CD300C: variants seen among roughly 807,000 people sequenced by gnomAD.
CD300C encodes the protein CMRF35-like molecule 6.
In CD300C, 11 loss-of-function variants were observed where a neutral mutation model predicts 18.4. The ratio of observed to expected loss-of-function variants is 0.60; its 90% CI spans 0.38 to 0.99. CD300C has a LOEUF of 0.99. Among genes scored for constraint, CD300C ranks in the 50% least tolerant of loss-of-function variants. CD300C has a pLI of 0.01. For missense variants in CD300C, 277 were observed against 287.4 expected (o/e 0.96, Z 0.26); for synonymous variants, 116 against 116.3 (o/e 1.00, Z 0.02).
At chr17:74,537,658 G>A (rs796228769), downstream of CD300C, among the ~76,000 whole-genome samples, 15 of 148,280 alleles carry the variant, frequency 1.0e-4, no homozygotes, top group African/African-American at 3.5e-4. Flanking sequence ...GAAAGATAAA[G>A]TCTGATTGCT....
chr17:74,541,771 C>T, intron 3 of CD300C, 35 bp from the exon 4 acceptor site: 2 of 1,593,066 alleles, frequency 1.3e-6, no homozygotes, highest in Non-Finnish European at 1.7e-6. Context: ...TGAGTCACCT[C>T]CCCAGGGGAG....
the CD300C span, among the ~76,000 whole-genome samples, chr17:74,535,631 TAGAC>T: frequency 8.9e-3 from 1,360 of 152,302 alleles, 13 homozygotes; most frequent in African/African-American, 0.031. Flanking sequence ...ACCATGTTCA[TAGAC>T]AGAGAAATTA....
At chr17:74,534,937 T>C in the CD300C span, among the ~76,000 whole-genome samples, 1 of 152,292 alleles carries the variant, frequency 6.6e-6, no homozygotes. Flanking sequence ...TCAAAATCAC[T>C]ACTTTGATTC....
rs1161402747 is a variant in CD300C at position 74,545,885 on chromosome 17, C to T, written c.-103G>A. The T allele has an allele frequency of 3.1e-6, 3 of 965,526 alleles. No individual in the cohort carries two copies. In the East Asian group the frequency reaches 7.9e-5, roughly 25 times the overall value. 59.8% of individuals were successfully genotyped at this position (965,526 alleles called of 1,614,324 possible). A position where few individuals can be genotyped will look rare whatever the true frequency, so the allele number is the denominator to read the frequency against. ...GAGCTTCGCTTCTGCTTTTCTTCTGCTCTCTGCTTCCTTGTCCAGCCCTGT... is the reference window on the plus strand; with the variant it reads ...GAGCTTCGCTTCTGCTTTTCTTCTGTTCTCTGCTTCCTTGTCCAGCCCTGT... On this transcript the variant is annotated 5_prime_UTR_variant, in exon 1 of 4. Transcript: ENST00000330793.
Position 74,541,436 on chromosome 17 carries a change from C to A in CD300C, c.*153G>T. ...ATGTCCGTCAGGTTCACATGTGACACATGAGGATCGGGCACAGGGAAAAGG... is the reference window on the plus strand; with the variant it reads ...ATGTCCGTCAGGTTCACATGTGACAAATGAGGATCGGGCACAGGGAAAAGG... On this transcript the variant is annotated 3_prime_UTR_variant, in exon 4 of 4. Transcript: ENST00000330793. 1.5e-6 allele frequency: 1 copy of A among 672,858 alleles called. No individual in the cohort carries two copies. Among genetic ancestry groups the A allele is most frequent in the East Asian group, 2.5e-5 (1 of 39,600 alleles). The allele number at this position is 672,858 out of a possible 1,614,324, so 41.7% of individuals were successfully genotyped here.
At chr17:74,543,938 G>A (rs1452741210) in intron 2 of CD300C, among the ~76,000 whole-genome samples, 1 of 152,096 alleles carries the variant, frequency 6.6e-6, no homozygotes. Context: ...GAGAATAAGG[G>A]GGACACACAG....
At chr17:74,537,832 C>T (rs994829122), downstream of CD300C, among the ~76,000 whole-genome samples, 2 of 152,118 alleles carry the variant, frequency 1.3e-5, no homozygotes, top group African/African-American at 4.8e-5. Context: ...TGGTGCATGC[C>T]TGTAGTCCCA....
intron 1 of CD300C, among the ~76,000 whole-genome samples, 185 bp from the exon 2 acceptor site, chr17:74,545,132 G>T (rs909294464): frequency 9.8e-5 from 15 of 152,316 alleles, no homozygotes; most frequent in South Asian, 4.1e-4. Context: ...GAAGGGCATG[G>T]GAAGTTTCCA....
At chr17:74,545,648 T>G (rs558301537) in intron 1 of CD300C, 74 bp downstream of exon 1, 319 of 1,204,500 alleles carry the variant, frequency 2.6e-4, no homozygotes, top group Non-Finnish European at 3.7e-4. Flanking sequence ...TGACCGCTAC[T>G]CCAGCGCCTG....
rs1908689351 is a variant in CD300C, at chr17:74,544,727, TGTGAAGCTGAG to T, written c.271_281del (p.Leu91SerfsTer28). 1 of 1,614,102 alleles carries T rather than the reference TGTGAAGCTGAG, an allele frequency of 6.2e-7. No homozygotes were observed. The highest frequency in any genetic ancestry group is 1.1e-5 in the South Asian group (1 of 91,082). ...CCTCTGTGAGATTCTCCAGGGTCAC[TGTGAAGCTGAG>T]GTTTGCAGGACTGTCCCTGATGGAC... On this transcript the variant is annotated frameshift_variant, in exon 2 of 4. Coordinates refer to ENST00000330793, the MANE Select transcript of CD300C (RefSeq NM_006678.5). LOFTEE classifies it high-confidence loss of function.
Position 74,545,770 on chromosome 17 carries a change from C to A in CD300C, c.13G>T (p.Ala5Ser), listed in dbSNP as rs753467876. MTAR[A>S]WASWRSSALL... is the part of the protein sequence containing the mutation. The stretch of plus-strand genomic sequence containing the variant: ...GCTGAAGACCGCCACGAGGCCCAGG[C>A]CCTGGCAGTCATTCCTGTAACACGA... Residue 5 changes from alanine (A) to serine (S), a missense_variant, in exon 1 of 4, where the codon GCC (alanine) becomes TCC (serine). Transcript: ENST00000330793. 54 of 1,608,494 alleles carry A rather than the reference C, an allele frequency of 3.4e-5. No homozygotes were observed. Among genetic ancestry groups the A allele is most frequent in the Non-Finnish European group, 4.6e-5 (54 of 1,177,896 alleles).
At chr17:74,536,232 A>T (rs1029596870), downstream of CD300C, among the ~76,000 whole-genome samples, 2 of 152,230 alleles carry the variant, frequency 1.3e-5, no homozygotes, top group Non-Finnish European at 2.9e-5. Flanking sequence ...AAAAGATATC[A>T]TAAAGCCAAT....
Position 74,544,308 on chromosome 17 carries a change from C to CTGAGGCCG in CD300C, c.400+293_400+300dup, listed in dbSNP as rs547267840. Reference sequence around the variant, plus strand: ...GACCCCACCCAGGAAAGTTTCAGGCCTGAGGCCGTGAGGGAGGGCCCACAG... The same window carrying CTGAGGCCG: ...GACCCCACCCAGGAAAGTTTCAGGCCTGAGGCCGTGAGGCCGTGAGGGAGGGCCCACAG... On this transcript the variant is annotated intron_variant, in intron 2 of 3. Transcript: ENST00000330793. 4.8e-3 allele frequency among the ~76,000 whole-genome samples: 726 copies of CTGAGGCCG among 152,316 alleles called. 5 individuals are homozygous for CTGAGGCCG. Among genetic ancestry groups the CTGAGGCCG allele is most frequent in the African/African-American group, 0.017 (689 of 41,588 alleles).
intron 3 of CD300C, among the ~76,000 whole-genome samples, chr17:74,542,449 C>A (rs2143143036): frequency 6.6e-6 from 1 of 152,338 alleles, no homozygotes; most frequent in South Asian, 2.1e-4. Flanking sequence ...GCCCCCAACC[C>A]TTGAGGTCTC....
downstream of CD300C, among the ~76,000 whole-genome samples, chr17:74,536,149 T>C (rs1908367757): frequency 6.6e-6 from 1 of 152,138 alleles, no homozygotes; most frequent in Non-Finnish European, 1.5e-5. Context: ...CCATAATTGG[T>C]TAAGCAAGAT....
downstream of CD300C, among the ~76,000 whole-genome samples, chr17:74,538,266 T>C (rs1035963095): frequency 2.0e-5 from 3 of 152,192 alleles, no homozygotes; most frequent in Non-Finnish European, 2.9e-5. Context: ...ACAATCCAGC[T>C]GACTCTGCCT....
downstream of CD300C, among the ~76,000 whole-genome samples, chr17:74,540,828 G>A (rs1321959055): frequency 4.6e-5 from 7 of 152,218 alleles, no homozygotes; most frequent in Non-Finnish European, 8.8e-5. Context: ...TCCCCTTGAA[G>A]AAGGAGGAAG....
chr17:74,539,385 G>C (rs1301640452), downstream of CD300C, among the ~76,000 whole-genome samples: 1 of 152,214 alleles, frequency 6.6e-6, no homozygotes, highest in Non-Finnish European at 1.5e-5. Context: ...CACCTGCCCA[G>C]TGTTCAGGTC....
chr17:74,539,253 G>A (rs1424817363), downstream of CD300C, among the ~76,000 whole-genome samples: 1 of 152,164 alleles, frequency 6.6e-6, no homozygotes, highest in African/African-American at 2.4e-5. Flanking sequence ...CTGCACCCTT[G>A]TCCTGCCCAG....
Sources: gnomAD v4.1 joint callset for allele counts (sites outside exome capture counted in the v4.1 genomes callset) on GRCh38, gnomAD v4.1.1 for gene constraint, MANE v1.5 for transcripts, NCBI Gene and HGNC (gene_info 2026-07-23, HGNC 2026-07-21) for gene names.